PPP2R2B: variants seen among roughly 807,000 people sequenced by gnomAD.
PPP2R2B encodes the protein protein phosphatase 2 regulatory subunit Bbeta, also known as serine/threonine-protein phosphatase 2A 55 kDa regulatory subunit B beta isoform.
A neutral mutation model predicts 46.0 loss-of-function variants in PPP2R2B; 5 were observed. The observed-to-expected ratio is 0.11, with a 90% CI of 0.06 to 0.23. The LOEUF is 0.23. Among genes scored for constraint, PPP2R2B ranks in the 10% least tolerant of loss-of-function variants. The probability of loss-of-function intolerance (pLI) is 1.00; values close to 1 mark genes in which losing one functional copy is unlikely to be tolerated. For synonymous variants in PPP2R2B, 215 were observed against 206.7 expected, an observed-to-expected ratio of 1.04 and a Z score of -0.34; for missense variants, 367 against 575.0, an observed-to-expected ratio of 0.64 and a Z score of 3.70.
chr5:147,011,538 G>A (rs1014523673), intron 1 of PPP2R2B, among the ~76,000 whole-genome samples: 2 of 152,006 alleles, frequency 1.3e-5, no homozygotes, highest in African/African-American at 4.8e-5. Context: ...GACAATTTGA[G>A]TTCCTCTTTT....
chr5:146,722,975 C>G (rs1751621792), intron 2 of PPP2R2B, among the ~76,000 whole-genome samples: 1 of 152,180 alleles, frequency 6.6e-6, no homozygotes, highest in Non-Finnish European at 1.5e-5. Context: ...TGCCTGGAAC[C>G]TGGCTAATCT....
chr5:147,004,224 G>A (rs1007798637), intron 1 of PPP2R2B, among the ~76,000 whole-genome samples: 1 of 152,048 alleles, frequency 6.6e-6, no homozygotes, highest in African/African-American at 2.4e-5. Context: ...TGAGAAACAA[G>A]CCACCCCCTC....
intron 2 of PPP2R2B, among the ~76,000 whole-genome samples, chr5:146,801,950 C>T (rs1756894380): frequency 6.6e-6 from 1 of 152,208 alleles, no homozygotes. Flanking sequence ...GGAGCAGCTG[C>T]ATGTGTCTGT....
intron 2 of PPP2R2B, among the ~76,000 whole-genome samples, chr5:146,788,019 G>A (rs1047161519): frequency 4.6e-5 from 7 of 151,934 alleles, no homozygotes; most frequent in African/African-American, 1.5e-4. Context: ...GTCTGCTTTC[G>A]GAGGCAAAGT....
intron 2 of PPP2R2B, among the ~76,000 whole-genome samples, chr5:146,837,975 G>A (rs1437875970): frequency 6.6e-6 from 1 of 152,134 alleles, no homozygotes; most frequent in African/African-American, 2.4e-5. Flanking sequence ...GACCTACATG[G>A]CAGTGTCTCT....
intron 2 of PPP2R2B, among the ~76,000 whole-genome samples, chr5:146,782,518 A>G (rs1755592113): frequency 6.6e-6 from 1 of 152,018 alleles, no homozygotes; most frequent in Non-Finnish European, 1.5e-5. Flanking sequence ...AGCCTGAGTG[A>G]TGACTACCTG....
At chr5:146,704,198 A>C (rs957867122) in intron 2 of PPP2R2B, among the ~76,000 whole-genome samples, 1 of 152,208 alleles carries the variant, frequency 6.6e-6, no homozygotes, top group African/African-American at 2.4e-5. Context: ...ATACATTCCA[A>C]TTTCAAGATA....
At chr5:146,862,054 A>G (rs1451820495) in intron 2 of PPP2R2B, among the ~76,000 whole-genome samples, 3 of 152,214 alleles carry the variant, frequency 2.0e-5, no homozygotes, top group African/African-American at 7.2e-5. Flanking sequence ...GAAAGAATAA[A>G]TAATCTATTA....
chr5:146,987,446 A>C (rs1753483914), intron 1 of PPP2R2B, among the ~76,000 whole-genome samples: 1 of 152,132 alleles, frequency 6.6e-6, no homozygotes, highest in Non-Finnish European at 1.5e-5. Context: ...AGCAATATAA[A>C]AAGATGTAAA....
intron 1 of PPP2R2B, among the ~76,000 whole-genome samples, chr5:147,004,224 G>C (rs1007798637): frequency 6.6e-6 from 1 of 152,048 alleles, no homozygotes; most frequent in South Asian, 2.1e-4. Flanking sequence ...TGAGAAACAA[G>C]CCACCCCCTC....
At chr5:146,791,488 G>A (rs1756200675) in intron 2 of PPP2R2B, among the ~76,000 whole-genome samples, 1 of 152,048 alleles carries the variant, frequency 6.6e-6, no homozygotes, top group South Asian at 2.1e-4. Flanking sequence ...CCTGGCAACA[G>A]TGATTGGTTC....
chr5:146,740,748 T>C (rs1321147923), intron 2 of PPP2R2B, among the ~76,000 whole-genome samples: 1 of 151,912 alleles, frequency 6.6e-6, no homozygotes, highest in Non-Finnish European at 1.5e-5. Flanking sequence ...TTTTCACAGA[T>C]GAACATGAAA....
At chr5:146,670,906 G>C (rs1246630217) in intron 5 of PPP2R2B, among the ~76,000 whole-genome samples, 1 of 152,074 alleles carries the variant, frequency 6.6e-6, no homozygotes, top group Non-Finnish European at 1.5e-5. Context: ...TGTCAAAAAA[G>C]AAGAAAATTA....
At chr5:147,003,070 G>T (rs1047035782) in intron 1 of PPP2R2B, among the ~76,000 whole-genome samples, 1 of 151,966 alleles carries the variant, frequency 6.6e-6, no homozygotes, top group Non-Finnish European at 1.5e-5. Flanking sequence ...GATCCTGCAG[G>T]TTGACCTTTT....
intron 5 of PPP2R2B, among the ~76,000 whole-genome samples, chr5:146,651,421 CAGTA>C (rs746701974): frequency 4.6e-5 from 7 of 152,152 alleles, no homozygotes; most frequent in Non-Finnish European, 5.9e-5. Flanking sequence ...AAATACTTCT[CAGTA>C]AGTATTTGTT....
At chr5:147,007,731 A>T (rs1754512453) in intron 1 of PPP2R2B, among the ~76,000 whole-genome samples, 1 of 152,082 alleles carries the variant, frequency 6.6e-6, no homozygotes, top group Non-Finnish European at 1.5e-5. Flanking sequence ...AGGAAGAAAC[A>T]ACTCCGGATG....
intron 1 of PPP2R2B, among the ~76,000 whole-genome samples, chr5:147,007,960 A>T (rs1561572725): frequency 6.6e-6 from 1 of 152,240 alleles, no homozygotes. Flanking sequence ...AATTCCGGAC[A>T]CAATAGTCCA....
chr5:146,643,916 C>A (rs910968057), intron 6 of PPP2R2B, among the ~76,000 whole-genome samples: 2 of 152,102 alleles, frequency 1.3e-5, no homozygotes, highest in African/African-American at 2.4e-5. Flanking sequence ...GCCTTTTGGG[C>A]CTTTGCCACC....
chr5:146,929,361 C>CA (rs1763892114), intron 1 of PPP2R2B, among the ~76,000 whole-genome samples: 1 of 152,014 alleles, frequency 6.6e-6, no homozygotes, highest in South Asian at 2.1e-4. Context: ...AATAGACATT[C>CA]AAAAAACATC....
Sources: gnomAD v4.1 joint callset for allele counts (sites outside exome capture counted in the v4.1 genomes callset) on GRCh38, gnomAD v4.1.1 for gene constraint, MANE v1.5 for transcripts, NCBI Gene and HGNC (gene_info 2026-07-23, HGNC 2026-07-21) for gene names.